The following SLC39A9 variants were observed in gnomAD, a reference collection of about 807,000 sequenced individuals.
SLC39A9 encodes zinc transporter ZIP9.
A neutral mutation model predicts 28.4 loss-of-function variants in SLC39A9; 14 were observed. The observed-to-expected ratio is 0.49, with a 90% CI of 0.33 to 0.77. SLC39A9 has a LOEUF of 0.77. SLC39A9 is among the 30% of genes least tolerant of loss of function. The pLI, the probability that SLC39A9 is intolerant of heterozygous loss-of-function variation, is 0.02. For missense variants in SLC39A9, 283 were observed against 381.1 expected, an observed-to-expected ratio of 0.74 and a Z score of 2.14; for synonymous variants, 119 against 149.6, an observed-to-expected ratio of 0.80 and a Z score of 1.49.
Position 69,454,991 on chromosome 14 carries a change from T to C in SLC39A9, c.558+94T>C, listed in dbSNP as rs968371956. 43 of 880,738 alleles carry C rather than the reference T, an allele frequency of 4.9e-5. No individual in the cohort carries two copies. In the African/African-American group the frequency reaches 6.0e-4, roughly 12 times the overall value. 54.6% of individuals were successfully genotyped at this position (880,738 alleles called of 1,614,324 possible). ...ATGTTTTTCCTGGAATGGGAACATT[T>C]TCTTCATTTCATAATTGCTATTCAT... On this transcript the variant is annotated intron_variant, in intron 5 of 6. Transcript: ENST00000336643.
At position 69,455,764 on chromosome 14, in the gene SLC39A9, G is replaced by C. The variant is rs1158486092; in HGVS notation, c.591G>C (p.Leu197Phe). 1.2e-6 allele frequency: 2 copies of C among 1,614,220 alleles called. No individual in the cohort carries two copies. Among genetic ancestry groups the C allele is most frequent in the Middle Eastern group, 1.6e-4 (1 of 6,062 alleles). ...APAAFGLVSF[L>F]MHAGLERNRI... ...CTGCTTTTGGACTGGTTTCCTTCTTGATGCATGCTGGCTTAGAGCGGAATC... is the reference window on the plus strand; with the variant it reads ...CTGCTTTTGGACTGGTTTCCTTCTTCATGCATGCTGGCTTAGAGCGGAATC... Residue 197 changes from leucine (L) to phenylalanine (F), a missense_variant, in exon 6 of 7, where the codon TTG becomes TTC. Leu to Phe is a conservative substitution (Grantham distance 22). Transcript: ENST00000336643.
chr14:69,419,597 G>A (rs967403994), intron 1 of SLC39A9, among the ~76,000 whole-genome samples: 1 of 152,116 alleles, frequency 6.6e-6, no homozygotes, highest in African/African-American at 2.4e-5. Flanking sequence ...TATTGACAGT[G>A]GGGTGTTAAA....
At chr14:69,406,881 T>C (rs1882946254) in intron 1 of SLC39A9, among the ~76,000 whole-genome samples, 1 of 137,664 alleles carries the variant, frequency 7.3e-6, no homozygotes, top group Admixed American at 7.5e-5. Context: ...GATGGAGTCT[T>C]GCTCTGTCGC....
chr14:69,435,962 T>G (rs1169365370), intron 2 of SLC39A9, among the ~76,000 whole-genome samples: 6 of 152,008 alleles, frequency 3.9e-5, no homozygotes, highest in Non-Finnish European at 8.8e-5. Context: ...CGTGAGCCAC[T>G]GTGCCCAGCC....
chr14:69,399,608 CACTT>C lies in SLC39A9; in HGVS notation c.96+145_96+148del, dbSNP rs906582490. 6 of 636,690 alleles carry C rather than the reference CACTT, an allele frequency of 9.4e-6. No individual in the cohort carries two copies. In the Admixed American group the frequency reaches 1.8e-4, roughly 19 times the overall value. 39.4% of individuals were successfully genotyped at this position (636,690 alleles called of 1,614,324 possible). ...ACTATCTTTTTTAAAAGATACATGA[CACTT>C]AATAATAGAAAGAAACCTCATATTC... On this transcript the variant is annotated intron_variant, in intron 1 of 6. Coordinates refer to ENST00000336643, the MANE Select transcript of SLC39A9 (RefSeq NM_018375.5).
chr14:69,459,107 A>T lies in SLC39A9; in HGVS notation c.*514A>T. On this transcript the variant is annotated 3_prime_UTR_variant, in exon 7 of 7. Transcript: ENST00000336643. ...CATAGCACCCACTCACTTAGATGCT[A>T]AAGGTGATTCTAGTTAATCTGGGAT... The T allele has an allele frequency of 1.0e-6, 1 of 986,470 alleles. No individual in the cohort carries two copies. Among genetic ancestry groups the T allele is most frequent in the Non-Finnish European group, 1.2e-6 (1 of 830,364 alleles). 61.1% of individuals were successfully genotyped at this position (986,470 alleles called of 1,614,324 possible).
At chr14:69,407,302 C>CCCTTCCTTCCTT (rs774804877) in intron 1 of SLC39A9, among the ~76,000 whole-genome samples, 47 of 143,940 alleles carry the variant, frequency 3.3e-4, no homozygotes, top group African/African-American at 1.0e-3. Flanking sequence ...TCCCTTCCTT[C>CCCTTCCTTCCTT]CCTTCCTTCC....
chr14:69,438,598 A>T (rs764193622), intron 2 of SLC39A9, among the ~76,000 whole-genome samples: 6 of 152,224 alleles, frequency 3.9e-5, no homozygotes, highest in Non-Finnish European at 8.8e-5. Flanking sequence ...ACGTAAAAAA[A>T]AACTGTCTAT....
intron 2 of SLC39A9, among the ~76,000 whole-genome samples, chr14:69,432,548 G>A (rs1387165855): frequency 4.6e-5 from 7 of 152,080 alleles, no homozygotes; most frequent in African/African-American, 7.2e-5. Flanking sequence ...AGGCTGTTTA[G>A]TTTTATTAGG....
At chr14:69,404,620 C>G (rs544774731) in intron 1 of SLC39A9, among the ~76,000 whole-genome samples, 1 of 152,110 alleles carries the variant, frequency 6.6e-6, no homozygotes, top group Non-Finnish European at 1.5e-5. Context: ...AGCTCCTCCC[C>G]CTCCTCCCCT....
chr14:69,415,663 T>G (rs1883529580), intron 1 of SLC39A9, among the ~76,000 whole-genome samples: 1 of 152,186 alleles, frequency 6.6e-6, no homozygotes, highest in South Asian at 2.1e-4. Context: ...GGGGGGATTC[T>G]TCTCTTGCTA....
chr14:69,438,024 C>CCTTTTTTT (rs1566919438), intron 2 of SLC39A9, among the ~76,000 whole-genome samples: 1 of 140,366 alleles, frequency 7.1e-6, no homozygotes, highest in African/African-American at 2.6e-5. Flanking sequence ...TTCCCTTACC[C>CCTTTTTTT]TTTTTTTTTT....
rs533916357 is a variant in SLC39A9 at position 69,445,053 on chromosome 14, A to G, written c.403+2787A>G. ...ATTTCCAGGAGGTATTGTTAAATGG[A>G]AAAAAAAAAGCAAAAAATGTAATGA... On this transcript the variant is annotated intron_variant, in intron 3 of 6. Coordinates refer to ENST00000336643, the MANE Select transcript of SLC39A9 (RefSeq NM_018375.5). 5.5e-4 allele frequency among the ~76,000 whole-genome samples: 39 copies of G among 71,396 alleles called. No homozygotes were observed. The South Asian group carries it at 0.018, about 33-fold the overall frequency. The allele number at this position is 71,396 out of a possible 152,430, so 46.8% of individuals were successfully genotyped here.
rs186356610 is a variant in SLC39A9, at chr14:69,405,069, C to T, written c.96+5604C>T. ...GGGGGAAAGCCCCTTATAAAACCAT[C>T]AGATCTCGTGAGAACTCACTGTCAC... is the stretch of plus-strand genomic sequence containing the variant. On this transcript the variant is annotated intron_variant, in intron 1 of 6. Transcript: ENST00000336643. Among the ~76,000 whole-genome samples, 10 of 152,266 alleles carry T rather than the reference C, an allele frequency of 6.6e-5. No homozygotes were observed. The East Asian group carries it at 1.9e-3, about 29-fold the overall frequency.
intron 1 of SLC39A9, among the ~76,000 whole-genome samples, chr14:69,414,473 T>C (rs1883459447): frequency 6.6e-6 from 1 of 152,194 alleles, no homozygotes; most frequent in South Asian, 2.1e-4. Flanking sequence ...TGAGATTGTT[T>C]AAGGAAAATT....
chr14:69,459,814 A>T lies in SLC39A9; in HGVS notation c.*1221A>T, dbSNP rs1345008525. ...AATTTGCTGCTTACTGCTGGTGTTAATATTTGTGTGGGATGAATTCTTATC... is the reference window on the plus strand; with the variant it reads ...AATTTGCTGCTTACTGCTGGTGTTATTATTTGTGTGGGATGAATTCTTATC... On this transcript the variant is annotated 3_prime_UTR_variant, in exon 7 of 7. Transcript: ENST00000336643. 7.1e-6 allele frequency: 7 copies of T among 985,140 alleles called. No homozygotes were observed. Among genetic ancestry groups the T allele is most frequent in the Non-Finnish European group, 1.2e-6 (1 of 829,924 alleles). The allele number at this position is 985,140 out of a possible 1,614,324, so 61.0% of individuals were successfully genotyped here. A position where few individuals can be genotyped will look rare whatever the true frequency, so the allele number is the denominator to read the frequency against.
At chr14:69,444,190 CA>C (rs200059318) in intron 3 of SLC39A9, among the ~76,000 whole-genome samples, 1 of 151,234 alleles carries the variant, frequency 6.6e-6, no homozygotes, top group Non-Finnish European at 1.5e-5. Context: ...GATCCCATCT[CA>C]AAAAAAATAA....
At chr14:69,450,490 T>A (rs1460588697) in intron 3 of SLC39A9, among the ~76,000 whole-genome samples, 5 of 152,082 alleles carry the variant, frequency 3.3e-5, no homozygotes, top group African/African-American at 4.8e-5. Flanking sequence ...ATGGTGATTG[T>A]CAGGCCAGTC....
chr14:69,443,512 G>T (rs1885144847), intron 3 of SLC39A9, among the ~76,000 whole-genome samples: 1 of 152,168 alleles, frequency 6.6e-6, no homozygotes, highest in Non-Finnish European at 1.5e-5. Context: ...TGATTAGTCT[G>T]ATTTCTACTG....
Sources: gnomAD v4.1 joint callset for allele counts (sites outside exome capture counted in the v4.1 genomes callset) on GRCh38, gnomAD v4.1.1 for gene constraint, MANE v1.5 for transcripts, NCBI Gene and HGNC (gene_info 2026-07-23, HGNC 2026-07-21) for gene names.